Variants in AIG1 observed in about 807,000 individuals in gnomAD.
AIG1 encodes androgen-induced gene 1 protein.
Under a neutral mutation model 31.4 loss-of-function variants are expected in AIG1, and 23 were observed. The observed-to-expected ratio is 0.73, with a 90% CI of 0.53 to 1.04. The LOEUF (loss-of-function observed/expected upper bound fraction) is 1.04, where lower values mean the gene tolerates loss of function less well. Ranked by LOEUF, AIG1 falls within the 50% of genes least tolerant of loss-of-function variation. The pLI is 0.00. For synonymous variants in AIG1, 100 were observed against 110.5 expected (o/e 0.90, Z 0.60); for missense variants, 274 against 295.0 (o/e 0.93, Z 0.52).
At chr6:143,069,558 A>C (rs551774851) in intron 1 of AIG1, among the ~76,000 whole-genome samples, 65 of 152,218 alleles carry the variant, frequency 4.3e-4, no homozygotes, top group Non-Finnish European at 7.1e-4. Context: ...TGTGGTTTTG[A>C]GTTCCCCTCA....
At chr6:143,230,036 T>A (rs1793326198) in intron 3 of AIG1, among the ~76,000 whole-genome samples, 1 of 152,206 alleles carries the variant, frequency 6.6e-6, no homozygotes, top group East Asian at 1.9e-4. Context: ...TATCTCATCT[T>A]CTTTCCATTT....
chr6:143,281,956 T>C (rs892580684), intron 3 of AIG1, among the ~76,000 whole-genome samples: 3 of 152,222 alleles, frequency 2.0e-5, no homozygotes, highest in African/African-American at 7.2e-5. Flanking sequence ...TCTAGAAAGA[T>C]ATTCCTTTTT....
intron 1 of AIG1, among the ~76,000 whole-genome samples, chr6:143,090,091 A>G (rs1210475946): frequency 6.6e-6 from 1 of 152,228 alleles, no homozygotes; most frequent in Non-Finnish European, 1.5e-5. Flanking sequence ...GATGAAACTA[A>G]TTGCTTAACT....
Position 143,268,657 on chromosome 6 carries a change from A to C in AIG1, c.400-15453A>C, listed in dbSNP as rs184539755. On this transcript the variant is annotated intron_variant, in intron 3 of 5. Coordinates refer to ENST00000357847, the MANE Select transcript of AIG1 (RefSeq NM_016108.4). This position sits in a 1 kb window ranked among gnomAD's most constrained non-coding sequence, Gnocchi z 5.0. ...AATGTCAGCAGATTCATAACCCTGC[A>C]GCGCAATTTTGGATTGTCAGAATCT... Among the ~76,000 whole-genome samples the C allele has an allele frequency of 7.0e-3, 1,063 of 152,362 alleles. 8 individuals are homozygous for C. Among genetic ancestry groups the C allele is most frequent in the Non-Finnish European group, 0.011 (764 of 68,030 alleles).
At chr6:143,314,329 G>A (rs1364410315) in intron 4 of AIG1, among the ~76,000 whole-genome samples, 1 of 151,888 alleles carries the variant, frequency 6.6e-6, no homozygotes, top group African/African-American at 2.4e-5. Flanking sequence ...ACTCCAGCCT[G>A]GGTGACAGAG....
At chr6:143,238,045 A>G (rs1793943551) in intron 3 of AIG1, among the ~76,000 whole-genome samples, 1 of 152,140 alleles carries the variant, frequency 6.6e-6, no homozygotes, top group South Asian at 2.1e-4. Flanking sequence ...GTTTCAAGCC[A>G]TTCTCCTGCA....
intron 1 of AIG1, among the ~76,000 whole-genome samples, chr6:143,080,865 CT>C (rs1778186274): frequency 6.6e-6 from 1 of 152,104 alleles, no homozygotes; most frequent in African/African-American, 2.4e-5. Flanking sequence ...GGGTAGGGTC[CT>C]TCCCAGGATG....
intron 2 of AIG1, among the ~76,000 whole-genome samples, chr6:143,160,157 G>A (rs552954575): frequency 3.0e-4 from 46 of 152,266 alleles, no homozygotes; most frequent in Non-Finnish European, 5.0e-4. Context: ...TTGAGATGAT[G>A]CTATCCAGCC....
chr6:143,316,612 C>T (rs1046775407), intron 4 of AIG1, among the ~76,000 whole-genome samples: 3 of 151,966 alleles, frequency 2.0e-5, no homozygotes, highest in African/African-American at 7.3e-5. Flanking sequence ...GAAGAACAAA[C>T]CAACCCAAAC....
In AIG1 at chr6:143,299,126, A is replaced by C. The variant is rs1164782821; in HGVS notation, c.515+14901A>C. The C allele has an allele frequency of 6.6e-6, 1 of 152,228 alleles. No homozygotes were observed. The highest frequency in any genetic ancestry group is 1.5e-5 in the Non-Finnish European group (1 of 68,078). The allele number at this position is 152,228 out of a possible 1,614,324, so 9.4% of individuals were successfully genotyped here. A position where few individuals can be genotyped will look rare whatever the true frequency, so the allele number is the denominator to read the frequency against. On this transcript the variant is annotated intron_variant, in intron 4 of 5. Transcript: ENST00000357847. The surrounding 1 kb of genome is among the most constrained non-coding windows in gnomAD (Gnocchi z 4.1). ...CTGGGTCTATGACTCTCTCCTTGAC[A>C]GAGGTGATCAACTGACTGTGAGGGA...
intron 3 of AIG1, among the ~76,000 whole-genome samples, chr6:143,211,646 A>C (rs1341600691): frequency 6.6e-6 from 1 of 152,172 alleles, no homozygotes; most frequent in Non-Finnish European, 1.5e-5. Context: ...TAATCCCAGC[A>C]CTTTGGGAGG....
At chr6:143,232,870 A>G (rs1793543028) in intron 3 of AIG1, among the ~76,000 whole-genome samples, 3 of 152,118 alleles carry the variant, frequency 2.0e-5, no homozygotes, top group Admixed American at 2.0e-4. Context: ...GTACATGTTT[A>G]TGTGTGGAAG....
At chr6:143,254,974 G>T (rs1795281752) in intron 3 of AIG1, among the ~76,000 whole-genome samples, 1 of 152,168 alleles carries the variant, frequency 6.6e-6, no homozygotes, top group Non-Finnish European at 1.5e-5. Context: ...GGAGGTTAAG[G>T]CTGCAGTGAG....
chr6:143,261,424 G>A (rs777362156), intron 3 of AIG1, among the ~76,000 whole-genome samples: 15 of 152,174 alleles, frequency 9.9e-5, no homozygotes, highest in East Asian at 9.6e-4. Context: ...GAGCCAATGC[G>A]CCTGGCCACT....
chr6:143,139,298 A>AC (rs1476778969), intron 2 of AIG1, among the ~76,000 whole-genome samples: 2 of 124,920 alleles, frequency 1.6e-5, no homozygotes, highest in Non-Finnish European at 1.7e-5. Flanking sequence ...ATCCCCACCC[A>AC]CCCCATCCCT....
chr6:143,284,261 T>A lies in AIG1; in HGVS notation c.515+36T>A, dbSNP rs113787178. 4 of 1,497,702 alleles carry A rather than the reference T, an allele frequency of 2.7e-6. No homozygotes were observed. The East Asian group carries it at 9.1e-5, about 34-fold the overall frequency. 92.8% of individuals were successfully genotyped at this position (1,497,702 alleles called of 1,614,324 possible). On this transcript the variant is annotated intron_variant, in intron 4 of 5. Coordinates refer to ENST00000357847, the MANE Select transcript of AIG1 (RefSeq NM_016108.4). The surrounding 1 kb of genome is among the most constrained non-coding windows in gnomAD (Gnocchi z 4.4). ...TGCCTGCTGGGCTTTCTTATTGTAT[T>A]AGATTTTGCACTGCTAAATTTGGGC...
Position 143,276,019 on chromosome 6 carries a change from A to T in AIG1, c.400-8091A>T, listed in dbSNP as rs147581539. Among the ~76,000 whole-genome samples the T allele has an allele frequency of 7.2e-3, 1,095 of 152,290 alleles. 6 individuals are homozygous for T. The highest frequency in any genetic ancestry group is 0.025 in the African/African-American group (1,048 of 41,562). ...AAAGGAAAGAGAAAATACACACCGC[A>T]CTGCAGCCTCCTGGTAATGCCATGG... On this transcript the variant is annotated intron_variant, in intron 3 of 5. Transcript: ENST00000357847.
rs1798080729 is a variant in AIG1 at position 143,291,793 on chromosome 6, G to A, written c.515+7568G>A. Among the ~76,000 whole-genome samples the A allele has an allele frequency of 6.6e-6, 1 of 152,220 alleles. No individual in the cohort carries two copies. The highest frequency in any genetic ancestry group is 1.9e-4 in the East Asian group (1 of 5,194). On this transcript the variant is annotated intron_variant, in intron 4 of 5. Transcript: ENST00000357847. The surrounding 1 kb of genome is among the most constrained non-coding windows in gnomAD (Gnocchi z 4.2). ...GTGTGTTGAAGCAGAGTGAGGGAGA[G>A]TGCACAGAGCTCCTAGGGTGAGGGA...
chr6:143,264,131 T>G (rs1795994087), intron 3 of AIG1, among the ~76,000 whole-genome samples: 1 of 152,240 alleles, frequency 6.6e-6, no homozygotes, highest in Non-Finnish European at 1.5e-5. Flanking sequence ...GTTTTTAACT[T>G]GATTATAACT....
Sources: gnomAD v4.1 joint callset for allele counts (sites outside exome capture counted in the v4.1 genomes callset) on GRCh38, gnomAD v4.1.1 for gene constraint, Gnocchi (gnomAD v3.1) non-coding constraint, MANE v1.5 for transcripts, NCBI Gene and HGNC (gene_info 2026-07-23, HGNC 2026-07-21) for gene names.